Variants in SYNDIG1L observed in about 807,000 individuals in gnomAD.
SYNDIG1L encodes synapse differentiation-inducing gene protein 1-like.
In SYNDIG1L, 13 loss-of-function variants were observed where a neutral mutation model predicts 20.1. That is an observed-to-expected ratio of 0.65 (90% CI 0.42 to 1.03). The LOEUF is 1.03. Among genes scored for constraint, SYNDIG1L ranks in the 50% least tolerant of loss-of-function variants. The pLI is 0.00. For synonymous variants in SYNDIG1L, 128 were observed against 129.3 expected, an observed-to-expected ratio of 0.99 and a Z score of 0.07; for missense variants, 294 against 305.1, an observed-to-expected ratio of 0.96 and a Z score of 0.27.
chr14:74,459,326 G>A, the SYNDIG1L span, among the ~76,000 whole-genome samples: 2 of 152,092 alleles, frequency 1.3e-5, no homozygotes, highest in East Asian at 1.9e-4. Context: ...GCAACATGGC[G>A]AAACCCTGTC....
the SYNDIG1L span, among the ~76,000 whole-genome samples, chr14:74,450,622 A>C: frequency 7.9e-5 from 12 of 152,206 alleles, no homozygotes; most frequent in Admixed American, 5.9e-4. Context: ...ACATTTGACA[A>C]AATCTGACAC....
At position 74,409,782 on chromosome 14, in the gene SYNDIG1L, A is replaced by C. The variant is rs758338763; in HGVS notation, c.-38T>G. The C allele has an allele frequency of 7.1e-7, 1 of 1,415,042 alleles. No homozygotes were observed. The highest frequency in any genetic ancestry group is 9.3e-7 in the Non-Finnish European group (1 of 1,080,788). 87.7% of individuals were successfully genotyped at this position (1,415,042 alleles called of 1,614,324 possible). A position where few individuals can be genotyped will look rare whatever the true frequency, so the allele number is the denominator to read the frequency against. On this transcript the variant is annotated 5_prime_UTR_variant, in exon 2 of 4. Transcript: ENST00000331628. The stretch of plus-strand genomic sequence containing the variant: ...GCTGCTGGGGAGGGGGGCCTGGGCC[A>C]GCTGAGCAGTCCTCAGAGCCTGTCA...
chr14:74,477,890 T>G, the SYNDIG1L span, among the ~76,000 whole-genome samples: 3 of 152,354 alleles, frequency 2.0e-5, no homozygotes, highest in South Asian at 6.2e-4. Flanking sequence ...CTCAATGTTT[T>G]AATGACTCAC....
the SYNDIG1L span, among the ~76,000 whole-genome samples, chr14:74,462,494 A>G: frequency 2.0e-5 from 3 of 152,046 alleles, no homozygotes; most frequent in African/African-American, 7.2e-5. Context: ...AAAAGAAAAA[A>G]AAAAGTAGGC....
the SYNDIG1L span, among the ~76,000 whole-genome samples, chr14:74,457,853 A>G: frequency 1.3e-5 from 2 of 152,122 alleles, no homozygotes; most frequent in East Asian, 3.9e-4. Flanking sequence ...TTGGAGCTGC[A>G]GTGGTGCGGT....
chr14:74,441,070 C>T, the SYNDIG1L span, among the ~76,000 whole-genome samples: 2 of 152,166 alleles, frequency 1.3e-5, no homozygotes, highest in African/African-American at 2.4e-5. Context: ...CCATGCCTGC[C>T]GGGGACAAAG....
At chr14:74,411,941 G>C (rs1385312518) in intron 1 of SYNDIG1L, among the ~76,000 whole-genome samples, 1 of 152,228 alleles carries the variant, frequency 6.6e-6, no homozygotes, top group East Asian at 1.9e-4. Flanking sequence ...ATGCTGGGCT[G>C]CCATGGGCCT....
At position 74,405,922 on chromosome 14, in the gene SYNDIG1L, G is replaced by A. The variant is rs2086074490; in HGVS notation, c.*1613C>T. The stretch of plus-strand genomic sequence containing the variant: ...GGTGTTACAGAAACATTTATTACAA[G>A]GATAAATCAGTACAATAATGGGACC... On this transcript the variant is annotated 3_prime_UTR_variant, in exon 4 of 4. Transcript: ENST00000331628. The A allele has an allele frequency of 2.5e-5, 10 of 398,676 alleles. No homozygotes were observed. The highest frequency in any genetic ancestry group is 4.4e-5 in the Non-Finnish European group (10 of 226,118). The allele number at this position is 398,676 out of a possible 1,614,324, so 24.7% of individuals were successfully genotyped here. A position where few individuals can be genotyped will look rare whatever the true frequency, so the allele number is the denominator to read the frequency against.
the SYNDIG1L span, among the ~76,000 whole-genome samples, chr14:74,448,986 C>T: frequency 6.6e-6 from 1 of 152,036 alleles, no homozygotes; most frequent in South Asian, 2.1e-4. Flanking sequence ...AATTCCAACA[C>T]TTTCGGAGGC....
chr14:74,469,893 T>G, the SYNDIG1L span, among the ~76,000 whole-genome samples: 1 of 152,286 alleles, frequency 6.6e-6, no homozygotes, highest in African/African-American at 2.4e-5. Flanking sequence ...TGCCAGCAAT[T>G]AATTTACAGA....
Position 74,409,682 on chromosome 14 carries a change from G to T in SYNDIG1L, c.63C>A (p.Gly21=). 1 of 1,485,398 alleles carries T rather than the reference G, an allele frequency of 6.7e-7. No homozygotes were observed. The highest frequency in any genetic ancestry group is 8.9e-7 in the Non-Finnish European group (1 of 1,117,708). The allele number at this position is 1,485,398 out of a possible 1,614,324, so 92.0% of individuals were successfully genotyped here. Residue 21 remains glycine, a synonymous_variant, in exon 2 of 4, where the codon GGC becomes GGA. Transcript: ENST00000331628. ...GTGGGGTCTCCGGGTAGGGATAGGGGCCATGGAGATGGGCAGGGCTCCTGG... is the reference window on the plus strand; with the variant it reads ...GTGGGGTCTCCGGGTAGGGATAGGGTCCATGGAGATGGGCAGGGCTCCTGG... The part of the protein sequence containing the change: ...LLPRSPAHLH[G]PYPYPETPPS...
intron 1 of SYNDIG1L, among the ~76,000 whole-genome samples, chr14:74,419,822 G>A (rs186740190): frequency 6.6e-6 from 1 of 152,336 alleles, no homozygotes; most frequent in East Asian, 1.9e-4. Flanking sequence ...GACCGAATGA[G>A]AGAAGGGCAT....
chr14:74,459,241 T>C, the SYNDIG1L span, among the ~76,000 whole-genome samples: 1 of 151,914 alleles, frequency 6.6e-6, no homozygotes, highest in Non-Finnish European at 1.5e-5. Context: ...GGTGGCTGGG[T>C]GTGGTGGCTC....
At chr14:74,425,229 C>T (rs892133087) in intron 1 of SYNDIG1L, among the ~76,000 whole-genome samples, 1 of 152,236 alleles carries the variant, frequency 6.6e-6, no homozygotes, top group Non-Finnish European at 1.5e-5. Flanking sequence ...TCTAGGGTCA[C>T]CAGCACATAA....
At chr14:74,421,838 T>C (rs1471974184) in intron 1 of SYNDIG1L, among the ~76,000 whole-genome samples, 1 of 152,138 alleles carries the variant, frequency 6.6e-6, no homozygotes, top group African/African-American at 2.4e-5. Flanking sequence ...CTTGAACACT[T>C]CTTGGCTCCC....
upstream of SYNDIG1L, among the ~76,000 whole-genome samples, chr14:74,427,434 C>G (rs114839194): frequency 2.4e-3 from 372 of 152,190 alleles, 2 homozygotes; most frequent in African/African-American, 8.5e-3. Context: ...TTCACTCCCA[C>G]AGGATGTGGG....
At chr14:74,460,849 A>G in the SYNDIG1L span, among the ~76,000 whole-genome samples, 1 of 152,174 alleles carries the variant, frequency 6.6e-6, no homozygotes, top group African/African-American at 2.4e-5. Context: ...GGGTTTCACC[A>G]TGTTGGCCAG....
chr14:74,411,755 A>C (rs555309245), intron 1 of SYNDIG1L, among the ~76,000 whole-genome samples: 1 of 152,168 alleles, frequency 6.6e-6, no homozygotes, highest in Non-Finnish European at 1.5e-5. Flanking sequence ...TGCTGGCTGC[A>C]TGAGGGCAAG....
the SYNDIG1L span, among the ~76,000 whole-genome samples, chr14:74,461,658 C>CT: frequency 4.6e-5 from 7 of 152,020 alleles, no homozygotes; most frequent in African/African-American, 1.2e-4. Flanking sequence ...TTCAGATTCA[C>CT]TCTTTAAAAA....
Sources: gnomAD v4.1 joint callset for allele counts (sites outside exome capture counted in the v4.1 genomes callset) on GRCh38, gnomAD v4.1.1 for gene constraint, MANE v1.5 for transcripts, NCBI Gene and HGNC (gene_info 2026-07-23, HGNC 2026-07-21) for gene names.